Variants in ROR1 observed in about 807,000 individuals in gnomAD.
ROR1 encodes ROR family WNT receptor 1.
ROR1 carries 19 observed loss-of-function variants against 78.8 expected under a neutral mutation model. That is an observed-to-expected ratio of 0.24 (90% CI 0.17 to 0.35). The LOEUF is 0.35. Among genes scored for constraint, ROR1 ranks in the 10% least tolerant of loss-of-function variants. The pLI is 1.00. For synonymous variants in ROR1, 386 were observed against 433.6 expected, an observed-to-expected ratio of 0.89 and a Z score of 1.36; for missense variants, 917 against 1,177.8, an observed-to-expected ratio of 0.78 and a Z score of 3.24.
intron 1 of ROR1, among the ~76,000 whole-genome samples, chr1:63,932,909 G>A (rs1424803811): frequency 6.6e-6 from 1 of 152,262 alleles, no homozygotes; most frequent in East Asian, 1.9e-4. Context: ...GCCAGAGCTG[G>A]TAGAGTGGGT....
At chr1:63,980,794 C>T (rs900893828) in intron 1 of ROR1, among the ~76,000 whole-genome samples, 4 of 152,232 alleles carry the variant, frequency 2.6e-5, no homozygotes, top group African/African-American at 9.6e-5. Flanking sequence ...GCCCTAGTCA[C>T]ACTGGGCCTG....
chr1:63,895,494 G>A (rs1388870052), intron 1 of ROR1, among the ~76,000 whole-genome samples: 5 of 152,272 alleles, frequency 3.3e-5, no homozygotes, highest in East Asian at 1.9e-4. Context: ...TTGAAGTGGA[G>A]GTAGTGTGAA....
At chr1:63,922,365 G>GAC (rs1645662772) in intron 1 of ROR1, among the ~76,000 whole-genome samples, 2 of 152,160 alleles carry the variant, frequency 1.3e-5, no homozygotes, top group Non-Finnish European at 2.9e-5. Context: ...TAAAAGGTAA[G>GAC]TCTTTTCAAT....
intron 4 of ROR1, among the ~76,000 whole-genome samples, chr1:64,107,307 C>A (rs899809610): frequency 5.9e-5 from 9 of 152,198 alleles, no homozygotes; most frequent in African/African-American, 1.9e-4. Flanking sequence ...AGCATTTGAA[C>A]TTAGAATGTC....
intron 2 of ROR1, among the ~76,000 whole-genome samples, chr1:64,009,766 G>T (rs1481544315): frequency 1.3e-5 from 2 of 152,156 alleles, no homozygotes; most frequent in Admixed American, 6.5e-5. Context: ...CATTTGATGT[G>T]CTTGCAGGGT....
chr1:63,846,876 C>T (rs2100324056), intron 1 of ROR1, among the ~76,000 whole-genome samples: 1 of 152,330 alleles, frequency 6.6e-6, no homozygotes, highest in Non-Finnish European at 1.5e-5. Context: ...TACTGCAGAG[C>T]AAGGACTCTA....
At chr1:63,825,523 G>A (rs1325549208) in intron 1 of ROR1, among the ~76,000 whole-genome samples, 1 of 152,220 alleles carries the variant, frequency 6.6e-6, no homozygotes, top group Non-Finnish European at 1.5e-5. Context: ...CAGGCAAGGT[G>A]GGAATGGTTA....
chr1:64,114,016 C>T (rs1199729170), intron 4 of ROR1, among the ~76,000 whole-genome samples: 1 of 152,138 alleles, frequency 6.6e-6, no homozygotes, highest in Non-Finnish European at 1.5e-5. Flanking sequence ...TGACTCCTGG[C>T]ATGGGAACTC....
intron 1 of ROR1, among the ~76,000 whole-genome samples, chr1:63,793,879 G>A (rs578180899): frequency 2.6e-5 from 4 of 152,146 alleles, no homozygotes; most frequent in African/African-American, 7.2e-5. Flanking sequence ...TGCCCTCCCC[G>A]CTGGGGTTGG....
chr1:64,001,323 C>T (rs1326489372), intron 1 of ROR1, among the ~76,000 whole-genome samples: 1 of 152,080 alleles, frequency 6.6e-6, no homozygotes, highest in African/African-American at 2.4e-5. Context: ...TTAGTGGTTG[C>T]CAGTGGTCAG....
intron 4 of ROR1, among the ~76,000 whole-genome samples, chr1:64,058,738 G>C (rs74965477): frequency 0.044 from 6,743 of 151,930 alleles, 501 homozygotes; most frequent in African/African-American, 0.15. Flanking sequence ...TCAGCTTGCT[G>C]GTATTTTGTT....
chr1:63,817,299 G>A (rs1162845202), intron 1 of ROR1, among the ~76,000 whole-genome samples: 1 of 152,160 alleles, frequency 6.6e-6, no homozygotes, highest in Admixed American at 6.5e-5. Context: ...GAAGGGTATA[G>A]CCGGGGCAGA....
intron 1 of ROR1, among the ~76,000 whole-genome samples, chr1:63,848,347 C>A (rs1226963557): frequency 6.6e-6 from 1 of 152,080 alleles, no homozygotes; most frequent in Non-Finnish European, 1.5e-5. Flanking sequence ...CAAGTGACTG[C>A]AATAAGATCC....
At chr1:63,984,272 CT>C (rs1646233593) in intron 1 of ROR1, among the ~76,000 whole-genome samples, 1 of 152,066 alleles carries the variant, frequency 6.6e-6, no homozygotes, top group Non-Finnish European at 1.5e-5. Flanking sequence ...TTTAAGAAAG[CT>C]TATAAGGGAG....
chr1:64,120,817 A>AATGG (rs1648504106), intron 4 of ROR1, among the ~76,000 whole-genome samples: 1 of 152,116 alleles, frequency 6.6e-6, no homozygotes, highest in South Asian at 2.1e-4. Flanking sequence ...TGGTGTAATA[A>AATGG]ATGGATGGAT....
At chr1:63,787,960 G>A (rs1644702147) in intron 1 of ROR1, among the ~76,000 whole-genome samples, 1 of 152,246 alleles carries the variant, frequency 6.6e-6, no homozygotes, top group South Asian at 2.1e-4. Context: ...GAAGCTGAGA[G>A]ATGCCCTTGG....
intron 4 of ROR1, chr1:64,108,301 C>G (rs112757556): frequency 0.14 from 20,492 of 145,434 alleles, 1,598 homozygotes; most frequent in African/African-American, 0.2. Flanking sequence ...GGAGGCTAAG[C>G]CAGGATAATC....
At chr1:63,848,626 T>G (rs1272987026) in intron 1 of ROR1, among the ~76,000 whole-genome samples, 4 of 150,096 alleles carry the variant, frequency 2.7e-5, no homozygotes, top group Non-Finnish European at 5.9e-5. Flanking sequence ...AACTGCTTTT[T>G]TGGATTTAAT....
At chr1:63,857,606 A>C (rs1645156779) in intron 1 of ROR1, among the ~76,000 whole-genome samples, 3 of 152,230 alleles carry the variant, frequency 2.0e-5, no homozygotes, top group Admixed American at 2.0e-4. Flanking sequence ...TGGGGAGAGC[A>C]CATAAAAGTG....
Sources: allele counts gnomAD v4.1 joint callset (sites outside exome capture counted in the v4.1 genomes callset), GRCh38; gene constraint gnomAD v4.1.1; transcripts MANE v1.5; gene names NCBI Gene and HGNC (gene_info 2026-07-23, HGNC 2026-07-21).